The following CFAP47 variants were observed in gnomAD, a reference collection of about 807,000 sequenced individuals.
CFAP47 encodes cilia- and flagella-associated protein 47.
In CFAP47, 29 loss-of-function variants were observed where a neutral mutation model predicts 148.1. The observed-to-expected ratio is 0.20, with a 90% CI of 0.15 to 0.27. CFAP47 has a LOEUF of 0.27. Ranked by LOEUF, CFAP47 falls within the 10% of genes least tolerant of loss-of-function variation. The probability of loss-of-function intolerance (pLI) is 1.00; values close to 1 mark genes in which losing one functional copy is unlikely to be tolerated. For synonymous variants in CFAP47, 664 were observed against 577.3 expected, an observed-to-expected ratio of 1.15 and a Z score of -2.15; for missense variants, 1,872 against 1,697.5, an observed-to-expected ratio of 1.10 and a Z score of -1.81.
chrX:36,014,675 TAAAACTGCTTTTTA>T, intron 21 of CFAP47, 85 bp from the exon 22 acceptor site: 1 of 275,041 alleles, frequency 3.6e-6, no homozygotes, highest in Non-Finnish European at 6.4e-6. Context: ...TTTTATTTTT[TAAAACTGCTTTTTA>T]AAAACTGCTG....
chrX:35,990,175 A>T (rs1936772221), intron 16 of CFAP47: 1 of 111,627 alleles, frequency 9.0e-6, no homozygotes. Context: ...TGGTCTGTTT[A>T]CTCTTCTGTT....
At chrX:36,226,638 G>C (rs1555991581) in intron 45 of CFAP47, among the ~76,000 whole-genome samples, 1 of 111,559 alleles carries the variant, frequency 9.0e-6, no homozygotes, top group African/African-American at 3.2e-5. Flanking sequence ...ATTTGTAAGA[G>C]AGAGGGGCTG....
At chrX:36,089,884 GATTGTT>G (rs1324796210) in intron 30 of CFAP47, among the ~76,000 whole-genome samples, 1 of 111,879 alleles carries the variant, frequency 8.9e-6, no homozygotes, top group African/African-American at 3.2e-5. Context: ...ACATATAGTA[GATTGTT>G]ATTGTTATTG....
intron 40 of CFAP47, among the ~76,000 whole-genome samples, chrX:36,184,784 T>C (rs782606824): frequency 9.1e-6 from 1 of 110,009 alleles, no homozygotes; most frequent in South Asian, 3.9e-4. Context: ...AAATACAAAA[T>C]TAGCTGGGTG....
chrX:36,264,714 C>T (rs1391170271), intron 49 of CFAP47, among the ~76,000 whole-genome samples: 1 of 111,696 alleles, frequency 9.0e-6, no homozygotes, highest in Non-Finnish European at 1.9e-5. Flanking sequence ...AAGCCAAGTA[C>T]TAAGAGGGCA....
intron 33 of CFAP47, among the ~76,000 whole-genome samples, chrX:36,130,710 G>T (rs1416384946): frequency 9.0e-6 from 1 of 111,009 alleles, no homozygotes; most frequent in Non-Finnish European, 1.9e-5. Flanking sequence ...TAAAAAAAAT[G>T]TGGTACATAC....
intron 53 of CFAP47, among the ~76,000 whole-genome samples, chrX:36,303,492 GCTT>G (rs1941318654): frequency 9.1e-6 from 1 of 109,691 alleles, no homozygotes; most frequent in Non-Finnish European, 1.9e-5. Context: ...GTCTTTTTTA[GCTT>G]CTTCTGCTTG....
chrX:36,376,103 G>A (rs1421362947), intron 62 of CFAP47, among the ~76,000 whole-genome samples: 1 of 111,823 alleles, frequency 8.9e-6, no homozygotes, highest in Non-Finnish European at 1.9e-5. Flanking sequence ...GGGCTTGTTC[G>A]TGGTGTCTCT....
At chrX:36,029,053 C>T (rs1026545142) in intron 22 of CFAP47, among the ~76,000 whole-genome samples, 12 of 110,554 alleles carry the variant, frequency 1.1e-4, no homozygotes, top group African/African-American at 3.9e-4. Flanking sequence ...ATTACTGATT[C>T]AATGTCTTTA....
intron 37 of CFAP47, among the ~76,000 whole-genome samples, chrX:36,157,683 TG>T (rs1939385195): frequency 9.0e-6 from 1 of 111,074 alleles, no homozygotes; most frequent in Admixed American, 9.6e-5. Context: ...GGAATAGTGG[TG>T]TTTTTTTTTT....
chrX:36,382,804 G>A (rs1942090108), intron 63 of CFAP47, among the ~76,000 whole-genome samples: 1 of 110,246 alleles, frequency 9.1e-6, no homozygotes, highest in Non-Finnish European at 1.9e-5. Flanking sequence ...TGTCAATTTG[G>A]CATTTTTTGT....
At chrX:36,029,504 T>G (rs1937257320) in intron 22 of CFAP47, among the ~76,000 whole-genome samples, 1 of 110,833 alleles carries the variant, frequency 9.0e-6, no homozygotes, top group African/African-American at 3.3e-5. Context: ...CTTTTTTGAT[T>G]TAGGCACTTA....
chrX:35,928,995 T>C (rs866817608), intron 2 of CFAP47, among the ~76,000 whole-genome samples: 14 of 109,787 alleles, frequency 1.3e-4, no homozygotes, highest in Non-Finnish European at 2.3e-4. Context: ...GCATTTTTTT[T>C]CCATTCATCT....
chrX:35,960,616 C>T (rs1234650788), intron 8 of CFAP47, among the ~76,000 whole-genome samples: 2 of 110,593 alleles, frequency 1.8e-5, no homozygotes, highest in African/African-American at 6.6e-5. Context: ...AATATTTTAT[C>T]CTTATTTGAT....
At chrX:36,033,880 C>T (rs1268895592) in intron 23 of CFAP47, among the ~76,000 whole-genome samples, 4 of 111,396 alleles carry the variant, frequency 3.6e-5, no homozygotes, top group Non-Finnish European at 7.6e-5. Flanking sequence ...AAGTCAGGCC[C>T]ATAATGTTCA....
At chrX:36,055,079 C>T (rs1204708017) in intron 26 of CFAP47, among the ~76,000 whole-genome samples, 11 of 108,419 alleles carry the variant, frequency 1.0e-4, no homozygotes, top group Admixed American at 2.9e-4. Context: ...CCACCATGCC[C>T]GGCCAGCTCT....
chrX:36,085,849 A>T (rs1009418871), intron 30 of CFAP47, among the ~76,000 whole-genome samples: 2 of 110,662 alleles, frequency 1.8e-5, no homozygotes, highest in African/African-American at 6.6e-5. Flanking sequence ...AGGGTCTGTT[A>T]AAACAACAGT....
chrX:36,090,433 G>A (rs748964963), intron 30 of CFAP47, among the ~76,000 whole-genome samples: 1 of 111,897 alleles, frequency 8.9e-6, no homozygotes, highest in South Asian at 3.7e-4. Context: ...ACTTGCAATC[G>A]TTGTGTTATT....
At chrX:35,936,443 ATTT>A (rs34238002) in intron 2 of CFAP47, among the ~76,000 whole-genome samples, 17,957 of 92,829 alleles carry the variant, frequency 0.19, 1,388 homozygotes, top group African/African-American at 0.29. Context: ...TTGTTGCAGC[ATTT>A]TTTTTTTTTT....
Sources: allele counts gnomAD v4.1 joint callset (sites outside exome capture counted in the v4.1 genomes callset), GRCh38; gene constraint gnomAD v4.1.1; transcripts MANE v1.5; gene names NCBI Gene and HGNC (gene_info 2026-07-23, HGNC 2026-07-21).